GRIK2: variants seen among roughly 807,000 people sequenced by gnomAD.
GRIK2 encodes the protein glutamate receptor ionotropic, kainate 2.
GRIK2 carries 32 observed loss-of-function variants against 100.3 expected under a neutral mutation model. The observed-to-expected ratio is 0.32, with a 90% confidence interval of 0.24 to 0.43. GRIK2 has a LOEUF of 0.43. GRIK2 is among the 20% of genes least tolerant of loss of function. The probability of loss-of-function intolerance (pLI) is 1.00; values close to 1 mark genes in which losing one functional copy is unlikely to be tolerated. For synonymous variants in GRIK2, 417 were observed against 389.4 expected (o/e 1.07, Z -0.83); for missense variants, 843 against 1,114.9 (o/e 0.76, Z 3.47).
chr6:101,498,413 T>G (rs1773565601), intron 2 of GRIK2, among the ~76,000 whole-genome samples: 1 of 152,042 alleles, frequency 6.6e-6, no homozygotes, highest in Admixed American at 6.6e-5. Context: ...AAATGGTATT[T>G]CTAGTTCTAG....
chr6:101,818,757 T>C (rs1781780430), intron 10 of GRIK2, among the ~76,000 whole-genome samples: 2 of 152,168 alleles, frequency 1.3e-5, no homozygotes, highest in African/African-American at 4.8e-5. Flanking sequence ...TTAGTTACTA[T>C]TGAGGAATTG....
rs1315524835 is a variant in GRIK2 at position 102,006,390 on chromosome 6, A to ATATTTTTTTT, written c.2086-28950_2086-28949insATTTTTTTTT. Among the ~76,000 whole-genome samples the ATATTTTTTTT allele has an allele frequency of 6.7e-4, 76 of 114,084 alleles. 1 individual carries two copies. The highest frequency in any genetic ancestry group is 2.6e-3 in the African/African-American group (56 of 21,900). The allele number at this position is 114,084 out of a possible 152,430, so 74.8% of individuals were successfully genotyped here. A position where few individuals can be genotyped will look rare whatever the true frequency, so the allele number is the denominator to read the frequency against. ...CTTTTATATATATATATATATATAT[A>ATATTTTTTTT]TTTTTTTTTTTTTTGAGACATACAG... On this transcript the variant is annotated intron_variant, in intron 14 of 16. Coordinates refer to ENST00000369134, the MANE Select transcript of GRIK2 (RefSeq NM_021956.5).
intron 7 of GRIK2, among the ~76,000 whole-genome samples, chr6:101,736,553 C>T (rs1029040762): frequency 6.6e-6 from 1 of 152,180 alleles, no homozygotes; most frequent in Non-Finnish European, 1.5e-5. Context: ...GAAGCCACAG[C>T]CTGAGCTCTA....
chr6:101,416,436 A>G (rs1776144891), intron 2 of GRIK2, among the ~76,000 whole-genome samples: 1 of 152,164 alleles, frequency 6.6e-6, no homozygotes, highest in Non-Finnish European at 1.5e-5. Flanking sequence ...GAGGAGCAGC[A>G]GCAGTTTTAA....
chr6:101,761,353 C>CT (rs533556023), intron 7 of GRIK2, among the ~76,000 whole-genome samples: 346 of 151,510 alleles, frequency 2.3e-3, no homozygotes, highest in African/African-American at 7.7e-3. Context: ...GTCATTTCTT[C>CT]TTTTTTTTTC....
At chr6:101,409,633 C>A (rs547524479) in intron 2 of GRIK2, among the ~76,000 whole-genome samples, 1 of 151,982 alleles carries the variant, frequency 6.6e-6, no homozygotes, top group African/African-American at 2.4e-5. Flanking sequence ...ATCTAATATT[C>A]ATAAATTAGG....
intron 11 of GRIK2, among the ~76,000 whole-genome samples, chr6:101,887,827 C>G (rs560076745): frequency 6.6e-6 from 1 of 152,146 alleles, no homozygotes; most frequent in East Asian, 1.9e-4. Context: ...GCTAAACCAT[C>G]AGAAACCACC....
At chr6:101,682,973 G>A (rs746292007) in intron 6 of GRIK2, among the ~76,000 whole-genome samples, 14 of 152,098 alleles carry the variant, frequency 9.2e-5, no homozygotes, top group Admixed American at 2.0e-4. Context: ...GTAGGCCGGG[G>A]CAGAAGGATC....
intron 7 of GRIK2, among the ~76,000 whole-genome samples, chr6:101,693,448 A>AT (rs2128348261): frequency 6.6e-6 from 1 of 151,864 alleles, no homozygotes; most frequent in African/African-American, 2.4e-5. Context: ...AAAAAAAAAA[A>AT]CTTTACCTGT....
chr6:101,520,025 T>C (rs909767833), intron 2 of GRIK2, among the ~76,000 whole-genome samples: 2 of 152,094 alleles, frequency 1.3e-5, no homozygotes, highest in Non-Finnish European at 2.9e-5. Flanking sequence ...TCTTAAGACA[T>C]TGACTGGAAG....
In GRIK2 at chr6:101,602,291, A is replaced by G. The variant is rs142606473; in HGVS notation, c.116-19658A>G. Among the ~76,000 whole-genome samples the G allele has an allele frequency of 4.7e-3, 716 of 151,542 alleles. 2 individuals carry two copies. The highest frequency in any genetic ancestry group is 0.014 in the Middle Eastern group (4 of 294). On this transcript the variant is annotated intron_variant, in intron 2 of 16. Coordinates refer to ENST00000369134, the MANE Select transcript of GRIK2 (RefSeq NM_021956.5). ...TTTTATTCCACTATGGTCTGAGAGT[A>G]TGGTTGGCATAATTCCAATTTTTTT...
Position 102,056,849 on chromosome 6 carries a change from T to C in GRIK2, c.2562+1269T>C, listed in dbSNP as rs1292833190. Among the ~76,000 whole-genome samples the C allele has an allele frequency of 2.0e-5, 3 of 152,036 alleles. No homozygotes were observed. The South Asian group carries it at 6.2e-4, about 31-fold the overall frequency. On this transcript the variant is annotated intron_variant, in intron 16 of 16. Coordinates refer to ENST00000369134, the MANE Select transcript of GRIK2 (RefSeq NM_021956.5). ...ACACTGAGGAATGTTATCATAAATG[T>C]ATATTTTTATAACCCCATTTTGTCT... is the stretch of plus-strand genomic sequence containing the variant.
intron 11 of GRIK2, among the ~76,000 whole-genome samples, chr6:101,875,894 A>G (rs1029837362): frequency 6.6e-6 from 1 of 151,842 alleles, no homozygotes; most frequent in Non-Finnish European, 1.5e-5. Context: ...GATTGAACAT[A>G]TTTTACACAC....
intron 3 of GRIK2, among the ~76,000 whole-genome samples, chr6:101,625,008 G>A (rs1032148847): frequency 6.6e-6 from 1 of 152,024 alleles, no homozygotes; most frequent in Non-Finnish European, 1.5e-5. Context: ...CGTCTCAAGC[G>A]ATCTTCCTGC....
chr6:101,856,424 C>A (rs575660752), intron 10 of GRIK2, among the ~76,000 whole-genome samples: 3 of 152,062 alleles, frequency 2.0e-5, no homozygotes, highest in South Asian at 2.1e-4. Context: ...CTATTGGATA[C>A]GTGTGCCTAA....
At chr6:101,531,337 G>C (rs764106861) in intron 2 of GRIK2, among the ~76,000 whole-genome samples, 2 of 151,790 alleles carry the variant, frequency 1.3e-5, no homozygotes, top group Non-Finnish European at 2.9e-5. Context: ...TCGTATATAC[G>C]TATACATAGG....
At chr6:101,596,992 G>A (rs1778958419) in intron 2 of GRIK2, among the ~76,000 whole-genome samples, 1 of 151,716 alleles carries the variant, frequency 6.6e-6, no homozygotes, top group African/African-American at 2.4e-5. Context: ...ATCAACCTAG[G>A]TGCCCAATAA....
At chr6:101,723,380 C>T (rs1774626694) in intron 7 of GRIK2, among the ~76,000 whole-genome samples, 1 of 151,886 alleles carries the variant, frequency 6.6e-6, no homozygotes, top group South Asian at 2.1e-4. Context: ...ACAAGTTTTC[C>T]ACTGTAGCAT....
intron 2 of GRIK2, among the ~76,000 whole-genome samples, chr6:101,586,407 A>G (rs1439159402): frequency 6.6e-6 from 1 of 152,140 alleles, no homozygotes; most frequent in Non-Finnish European, 1.5e-5. Context: ...ATTGTAACAT[A>G]AAAAGTGATC....
Sources: gnomAD v4.1 joint callset for allele counts (sites outside exome capture counted in the v4.1 genomes callset) on GRCh38, gnomAD v4.1.1 for gene constraint, MANE v1.5 for transcripts, NCBI Gene and HGNC (gene_info 2026-07-23, HGNC 2026-07-21) for gene names.